The following LAPTM4B variants were observed in gnomAD, a reference collection of about 807,000 sequenced individuals.
LAPTM4B encodes lysosomal-associated transmembrane protein 4B.
A neutral mutation model predicts 28.5 loss-of-function variants in LAPTM4B; 26 were observed. That is an observed-to-expected ratio of 0.91 (90% CI 0.67 to 1.27). The LOEUF (loss-of-function observed/expected upper bound fraction) is 1.27. LAPTM4B is among the 50% of genes most tolerant of loss of function. LAPTM4B has a pLI of 0.00. For synonymous variants in LAPTM4B, 109 were observed against 106.4 expected, an observed-to-expected ratio of 1.02 and a Z score of -0.15; for missense variants, 288 against 285.8, an observed-to-expected ratio of 1.01 and a Z score of -0.06.
chr8:97,793,562 T>C (rs1816537769), intron 1 of LAPTM4B, among the ~76,000 whole-genome samples: 1 of 152,220 alleles, frequency 6.6e-6, no homozygotes, highest in Non-Finnish European at 1.5e-5. Context: ...TCAAGAGTGA[T>C]GTCAACATCA....
intron 6 of LAPTM4B, among the ~76,000 whole-genome samples, chr8:97,829,934 A>G (rs1209311139): frequency 6.6e-6 from 1 of 152,062 alleles, no homozygotes; most frequent in Admixed American, 6.6e-5. Flanking sequence ...TGACCTCGTG[A>G]TCCACCTGCC....
intron 1 of LAPTM4B, among the ~76,000 whole-genome samples, chr8:97,787,690 G>T (rs2449502): frequency 0.1 from 15,876 of 152,058 alleles, 1,026 homozygotes; most frequent in Middle Eastern, 0.21. Flanking sequence ...TTTCTCTCTT[G>T]TATTTTAGTG....
At chr8:97,818,737 C>CG (rs1445434405) in intron 4 of LAPTM4B, among the ~76,000 whole-genome samples, 1 of 152,080 alleles carries the variant, frequency 6.6e-6, no homozygotes, top group Admixed American at 6.6e-5. Flanking sequence ...CTGGCTCTGT[C>CG]GCCCGGGCGG....
intron 6 of LAPTM4B, among the ~76,000 whole-genome samples, chr8:97,850,474 G>GTGTGTGTGTGTGTGTATGTGTA (rs150321926): frequency 6.8e-6 from 1 of 146,266 alleles, no homozygotes; most frequent in African/African-American, 2.6e-5. Flanking sequence ...GGGTGTGTGT[G>GTGTGTGTGTGTGTGTATGTGTA]TGTGTGTGTG....
chr8:97,819,055 T>C (rs1413042255), intron 4 of LAPTM4B, 85 bp from the exon 5 acceptor site: 2 of 825,254 alleles, frequency 2.4e-6, no homozygotes, highest in Admixed American at 4.6e-5. Flanking sequence ...AGTTGCTTTC[T>C]GATAAGCATG....
chr8:97,825,787 T>C (rs1817082429), intron 6 of LAPTM4B, among the ~76,000 whole-genome samples: 2 of 152,216 alleles, frequency 1.3e-5, no homozygotes, highest in Admixed American at 6.5e-5. Context: ...GATGAAGGTA[T>C]AAGTCCTCAT....
At chr8:97,849,700 T>C (rs979901619) in intron 6 of LAPTM4B, among the ~76,000 whole-genome samples, 5 of 152,182 alleles carry the variant, frequency 3.3e-5, no homozygotes, top group African/African-American at 1.2e-4. Flanking sequence ...CCCATTTAGC[T>C]TGACATGGGC....
intron 5 of LAPTM4B, 132 bp from the exon 6 acceptor site, chr8:97,824,926 G>A (rs375691148): frequency 6.5e-5 from 35 of 542,160 alleles, no homozygotes; most frequent in African/African-American, 4.7e-4. Context: ...TTTTGGTTTA[G>A]TAGAGCTGTT....
intron 1 of LAPTM4B, 69 bp downstream of exon 1, chr8:97,776,177 C>T: frequency 6.8e-7 from 1 of 1,459,942 alleles, no homozygotes; most frequent in South Asian, 1.3e-5. Context: ...TCTGGCCCGG[C>T]CTCGCGGTGG....
At chr8:97,814,062 A>G (rs1816865619) in intron 2 of LAPTM4B, among the ~76,000 whole-genome samples, 2 of 152,200 alleles carry the variant, frequency 1.3e-5, no homozygotes, top group African/African-American at 4.8e-5. Flanking sequence ...TTGGTTTAAG[A>G]TATTTTTGTC....
chr8:97,819,288 G>C (rs765743230), intron 5 of LAPTM4B, 50 bp downstream of exon 5: 1 of 1,131,502 alleles, frequency 8.8e-7, no homozygotes, highest in Non-Finnish European at 1.3e-6. Context: ...GTGTATTCCT[G>C]AATACCAAAT....
intron 1 of LAPTM4B, among the ~76,000 whole-genome samples, chr8:97,783,213 G>A (rs978694189): frequency 2.0e-5 from 3 of 151,520 alleles, no homozygotes; most frequent in African/African-American, 7.3e-5. Flanking sequence ...GGATAAAAGA[G>A]GTCAGAGTAG....
intron 6 of LAPTM4B, among the ~76,000 whole-genome samples, chr8:97,850,601 A>G (rs1817509851): frequency 6.6e-6 from 1 of 150,884 alleles, no homozygotes; most frequent in African/African-American, 2.5e-5. Flanking sequence ...CACTTTAAGC[A>G]TAAGTGATAT....
At chr8:97,838,657 G>T (rs1817298592) in intron 6 of LAPTM4B, among the ~76,000 whole-genome samples, 1 of 152,178 alleles carries the variant, frequency 6.6e-6, no homozygotes, top group African/African-American at 2.4e-5. Flanking sequence ...GTCCAGTTGG[G>T]ACTGCAGCTG....
intron 6 of LAPTM4B, among the ~76,000 whole-genome samples, chr8:97,829,366 G>A (rs1430147051): frequency 6.6e-6 from 1 of 152,160 alleles, no homozygotes; most frequent in East Asian, 1.9e-4. Context: ...GACAAAAGTT[G>A]CTACCAATGT....
intron 5 of LAPTM4B, among the ~76,000 whole-genome samples, chr8:97,821,096 G>T (rs1816995241): frequency 6.6e-6 from 1 of 151,896 alleles, no homozygotes; most frequent in African/African-American, 2.4e-5. Flanking sequence ...CCAGCACTTT[G>T]GGAGGCCAAG....
At chr8:97,815,997 T>A in intron 3 of LAPTM4B, 61 bp from the exon 4 acceptor site, 1 of 1,428,340 alleles carries the variant, frequency 7.0e-7, no homozygotes, top group Non-Finnish European at 9.4e-7. Context: ...ACTTTGAATT[T>A]AAGAAAAATA....
At position 97,775,791 on chromosome 8, in the gene LAPTM4B, C is replaced by T. The variant is rs759717234; in HGVS notation, c.-219C>T. 1 of 1,569,894 alleles carries T rather than the reference C, an allele frequency of 6.4e-7. No homozygotes were observed. The highest frequency in any genetic ancestry group is 1.1e-5 in the South Asian group (1 of 88,504). On this transcript the variant is annotated 5_prime_UTR_variant, in exon 1 of 7. Transcript: ENST00000521545. Reference sequence around the variant, plus strand: ...AAGTCCGCCCCGCCCCCTCCCCGTCCCCGCCGCTGCAGCGGTCGCCTTCGG... The same window carrying T: ...AAGTCCGCCCCGCCCCCTCCCCGTCTCCGCCGCTGCAGCGGTCGCCTTCGG...
intron 6 of LAPTM4B, among the ~76,000 whole-genome samples, chr8:97,834,160 C>CAAAAAAAAAAAAAAAAAAAAAAA (rs1817226707): frequency 3.2e-5 from 2 of 62,284 alleles, no homozygotes; most frequent in East Asian, 6.6e-4. Flanking sequence ...AAAAAAAAAT[C>CAAAAAAAAAAAAAAAAAAAAAAA]CAGGTGGCAT....
Sources: allele counts gnomAD v4.1 joint callset (sites outside exome capture counted in the v4.1 genomes callset), GRCh38; gene constraint gnomAD v4.1.1; transcripts MANE v1.5; gene names NCBI Gene and HGNC (gene_info 2026-07-23, HGNC 2026-07-21).